UBE2E1: variants seen among roughly 807,000 people sequenced by gnomAD.
The protein encoded by UBE2E1 is ubiquitin conjugating enzyme E2 E1.
In UBE2E1, 6 loss-of-function variants were observed where a neutral mutation model predicts 21.4. The observed-to-expected ratio is 0.28, with a 90% CI of 0.15 to 0.55. UBE2E1 has a LOEUF of 0.55. Among genes scored for constraint, UBE2E1 ranks in the 20% least tolerant of loss-of-function variants. The probability of loss-of-function intolerance (pLI) is 0.93; values close to 1 mark genes in which losing one functional copy is unlikely to be tolerated. For synonymous variants in UBE2E1, 87 were observed against 82.7 expected (o/e 1.05, Z -0.28); for missense variants, 142 against 236.5 (o/e 0.60, Z 2.62).
At chr3:23,886,085 C>G (rs570707082) in intron 3 of UBE2E1, among the ~76,000 whole-genome samples, 29 of 152,168 alleles carry the variant, frequency 1.9e-4, no homozygotes, top group Non-Finnish European at 3.2e-4. Flanking sequence ...CCTGTAGTCT[C>G]GGCTACTCAG....
At position 23,808,756 on chromosome 3, in the gene UBE2E1, G is replaced by A. The variant is rs1344344241; in HGVS notation, c.152+1335G>A. ...TGACCCTCACTGATTAGCCCTGTGC[G>A]GTTTTCCTGGAACCTGACATCTACT... On this transcript the variant is annotated intron_variant, in intron 2 of 5. Transcript: ENST00000306627. This position sits in a 1 kb window ranked among gnomAD's most constrained non-coding sequence, Gnocchi z 4.9. 3 of 152,206 alleles carry A rather than the reference G, an allele frequency of 2.0e-5. No individual in the cohort carries two copies. The highest frequency in any genetic ancestry group is 2.4e-5 in the African/African-American group (1 of 41,440). 9.4% of individuals were successfully genotyped at this position (152,206 alleles called of 1,614,324 possible). A position where few individuals can be genotyped will look rare whatever the true frequency, so the allele number is the denominator to read the frequency against.
chr3:23,885,642 C>T (rs1402432843), intron 3 of UBE2E1, among the ~76,000 whole-genome samples: 1 of 152,146 alleles, frequency 6.6e-6, no homozygotes, highest in Non-Finnish European at 1.5e-5. Flanking sequence ...GGGCGGATCA[C>T]CTGAGGTCGG....
chr3:23,809,458 T>A (rs1195881572), intron 2 of UBE2E1, among the ~76,000 whole-genome samples: 1 of 152,190 alleles, frequency 6.6e-6, no homozygotes, highest in Non-Finnish European at 1.5e-5. Flanking sequence ...TAACTGCATG[T>A]TGGAAAGTGG....
intron 3 of UBE2E1, among the ~76,000 whole-genome samples, chr3:23,852,904 CTTATT>C (rs1700355729): frequency 2.7e-5 from 4 of 150,792 alleles, no homozygotes; most frequent in Admixed American, 6.6e-5. Flanking sequence ...CATGCCCAGC[CTTATT>C]TTGTTTTGTT....
intron 3 of UBE2E1, among the ~76,000 whole-genome samples, chr3:23,864,350 G>GT: frequency 6.6e-6 from 1 of 152,156 alleles, no homozygotes; most frequent in Admixed American, 6.5e-5. Flanking sequence ...TCATGGCCTG[G>GT]TAAGTTTTAA....
intron 3 of UBE2E1, chr3:23,878,924 G>A (rs1382988084): frequency 2.7e-6 from 1 of 366,956 alleles, no homozygotes; most frequent in South Asian, 2.2e-5. Context: ...CCCCATCTGT[G>A]GAAAAATTGT....
At chr3:23,885,242 C>T (rs890125687) in intron 3 of UBE2E1, among the ~76,000 whole-genome samples, 1 of 152,138 alleles carries the variant, frequency 6.6e-6, no homozygotes, top group Non-Finnish European at 1.5e-5. Context: ...ATTTCTACCC[C>T]CTAACCCAGT....
Position 23,848,588 on chromosome 3 carries a change from A to T in UBE2E1, c.203+37078A>T, listed in dbSNP as rs4432580. On this transcript the variant is annotated intron_variant, in intron 3 of 5. Transcript: ENST00000306627. The stretch of plus-strand genomic sequence containing the variant: ...ATGCTTAATAAGCTTGGAGGAAGAT[A>T]ATCACAATTTTAGAAAAAAAAATAC... Among the ~76,000 whole-genome samples the T allele has an allele frequency of 1.6e-3, 250 of 152,366 alleles. 2 individuals carry two copies. The highest frequency in any genetic ancestry group is 3.4e-3 in the Admixed American group (52 of 15,306).
chr3:23,810,706 A>T lies in UBE2E1; in HGVS notation c.153-754A>T. The T allele has an allele frequency of 3.7e-6, 2 of 536,208 alleles. No individual in the cohort carries two copies. Among genetic ancestry groups the T allele is most frequent in the Non-Finnish European group, 6.2e-6 (2 of 321,226 alleles). 33.2% of individuals were successfully genotyped at this position (536,208 alleles called of 1,614,324 possible). A position where few individuals can be genotyped will look rare whatever the true frequency, so the allele number is the denominator to read the frequency against. On this transcript the variant is annotated intron_variant, in intron 2 of 5. Transcript: ENST00000306627. The surrounding 1 kb of genome is among the most constrained non-coding windows in gnomAD (Gnocchi z 5.8). The stretch of plus-strand genomic sequence containing the variant: ...CCAAGGTTCTGGGCGCCGGGAGAGG[A>T]GAGCTGGGGCGGCGCGGAGCAGCCC...
At chr3:23,815,678 A>C (rs574941202) in intron 3 of UBE2E1, among the ~76,000 whole-genome samples, 145 of 152,336 alleles carry the variant, frequency 9.5e-4, no homozygotes, top group African/African-American at 3.3e-3. Flanking sequence ...GTGGAGTGTT[A>C]CATACCTCGT....
intron 3 of UBE2E1, among the ~76,000 whole-genome samples, chr3:23,855,059 A>G (rs999912839): frequency 1.3e-5 from 2 of 152,238 alleles, no homozygotes; most frequent in African/African-American, 4.8e-5. Context: ...ATGTTTTTCA[A>G]CTTAGAGATT....
At chr3:23,855,456 G>A (rs1332107337) in intron 3 of UBE2E1, among the ~76,000 whole-genome samples, 5 of 152,136 alleles carry the variant, frequency 3.3e-5, no homozygotes, top group Admixed American at 6.6e-5. Context: ...TGTGACAGCC[G>A]TTATTAATAC....
Position 23,887,794 on chromosome 3 carries a change from G to A in UBE2E1, c.336+95G>A. The A allele has an allele frequency of 6.9e-7, 1 of 1,453,186 alleles. No individual in the cohort carries two copies. 90.0% of individuals were successfully genotyped at this position (1,453,186 alleles called of 1,614,324 possible). On this transcript the variant is annotated intron_variant, in intron 4 of 5. Coordinates refer to ENST00000306627, the MANE Select transcript of UBE2E1 (RefSeq NM_003341.5). The surrounding 1 kb of genome is among the most constrained non-coding windows in gnomAD (Gnocchi z 4.4). ...ATTTAATTTTTAATCACAGAAACTAGATTTATCTTATGTCCTAATAGATCT... is the reference window on the plus strand; with the variant it reads ...ATTTAATTTTTAATCACAGAAACTAAATTTATCTTATGTCCTAATAGATCT...
At chr3:23,852,668 C>T (rs1022089272) in intron 3 of UBE2E1, among the ~76,000 whole-genome samples, 2 of 152,196 alleles carry the variant, frequency 1.3e-5, no homozygotes, top group African/African-American at 4.8e-5. Flanking sequence ...AATCTCAACT[C>T]AGTGCAGCCA....
chr3:23,881,006 T>C (rs535026248), intron 3 of UBE2E1, among the ~76,000 whole-genome samples: 10 of 152,356 alleles, frequency 6.6e-5, no homozygotes, highest in East Asian at 1.9e-4. Context: ...GCATAAGATA[T>C]GTAGCCACGC....
intron 3 of UBE2E1, among the ~76,000 whole-genome samples, chr3:23,883,736 T>C (rs990929330): frequency 6.6e-6 from 1 of 151,812 alleles, no homozygotes; most frequent in African/African-American, 2.4e-5. Flanking sequence ...GCCAATATGG[T>C]GAAACCCCAG....
chr3:23,862,547 A>C (rs1700578979), intron 3 of UBE2E1, among the ~76,000 whole-genome samples: 2 of 152,120 alleles, frequency 1.3e-5, no homozygotes, highest in Non-Finnish European at 2.9e-5. Flanking sequence ...TCCCTGAATT[A>C]TGTGGTGAAT....
At chr3:23,880,450 C>T (rs1481818470) in intron 3 of UBE2E1, among the ~76,000 whole-genome samples, 1 of 151,728 alleles carries the variant, frequency 6.6e-6, no homozygotes, top group African/African-American at 2.4e-5. Context: ...GCCTTTAGTC[C>T]CAGCTACTAG....
intron 5 of UBE2E1, chr3:23,889,493 T>C: frequency 1.4e-6 from 2 of 1,384,606 alleles, no homozygotes; most frequent in Non-Finnish European, 1.9e-6. Flanking sequence ...TGACGTAAGT[T>C]TGCCTTGGGC....
Sources: allele counts gnomAD v4.1 joint callset (sites outside exome capture counted in the v4.1 genomes callset), GRCh38; gene constraint gnomAD v4.1.1; non-coding constraint Gnocchi (gnomAD v3.1); transcripts MANE v1.5; gene names NCBI Gene and HGNC (gene_info 2026-07-23, HGNC 2026-07-21).